The following NPL variants were observed in gnomAD, a reference collection of about 807,000 sequenced individuals.
The protein encoded by NPL is N-acetylneuraminate pyruvate lyase, also known as N-acetylneuraminate lyase.
NPL carries 32 observed loss-of-function variants against 41.1 expected under a neutral mutation model. The ratio of observed to expected loss-of-function variants is 0.78; its 90% confidence interval spans 0.59 to 1.05. The LOEUF (loss-of-function observed/expected upper bound fraction) is 1.05. Among genes scored for constraint, NPL ranks in the 50% least tolerant of loss-of-function variants. NPL has a pLI of 0.00. For synonymous variants in NPL, 128 were observed against 134.9 expected, an observed-to-expected ratio of 0.95 and a Z score of 0.35; for missense variants, 321 against 378.4, an observed-to-expected ratio of 0.85 and a Z score of 1.26.
rs1248979881 is a variant in NPL, at chr1:182,829,621, T to A, written c.*713T>A. 20 of 1,550,692 alleles carry A rather than the reference T, an allele frequency of 1.3e-5. No homozygotes were observed. The highest frequency in any genetic ancestry group is 7.3e-5 in the East Asian group (3 of 40,908). ...TATACAGAAAACTCAAAACTCAAAG[T>A]TTCAAAGAACCAAAGGACTCTTCCT... On this transcript the variant is annotated 3_prime_UTR_variant, in exon 13 of 13. Coordinates refer to ENST00000367553, the MANE Select transcript of NPL (RefSeq NM_030769.3).
intron 5 of NPL, chr1:182,809,278 C>T (rs1388705746): frequency 4.6e-6 from 2 of 436,652 alleles, no homozygotes; most frequent in Non-Finnish European, 9.2e-6. Flanking sequence ...GTGGCTCACA[C>T]CTGTAATCCC....
At chr1:182,815,415 T>G (rs972518667) in intron 7 of NPL, among the ~76,000 whole-genome samples, 2 of 152,126 alleles carry the variant, frequency 1.3e-5, no homozygotes, top group Non-Finnish European at 2.9e-5. Context: ...GAAGTATAAA[T>G]TTTAGAAGGA....
At chr1:182,823,420 C>T (rs1421543354) in intron 11 of NPL, among the ~76,000 whole-genome samples, 1 of 152,170 alleles carries the variant, frequency 6.6e-6, no homozygotes, top group African/African-American at 2.4e-5. Flanking sequence ...AAAGTTGAGC[C>T]ATCATAAATC....
In NPL at chr1:182,806,237, G is replaced by C. The variant is rs374010970; in HGVS notation, c.230+5G>C. ...GGTGACAAAAGGGAAGGACAAGTGA[G>C]TGGCTGCATGAGGATAAAAATGCCC... On this transcript the variant is annotated splice_donor_5th_base_variant and intron_variant, in intron 5 of 12. Transcript: ENST00000367553. 91 of 1,614,146 alleles carry C rather than the reference G, an allele frequency of 5.6e-5. No homozygotes were observed. The highest frequency in any genetic ancestry group is 7.5e-5 in the Non-Finnish European group (89 of 1,180,060).
intron 5 of NPL, 51 bp downstream of exon 5, chr1:182,806,283 G>A (rs769570263): frequency 2.2e-5 from 35 of 1,611,628 alleles, no homozygotes; most frequent in Non-Finnish European, 2.1e-5. Flanking sequence ...GCTGTATTCA[G>A]TGAGCCTCTT....
At chr1:182,808,433 A>C (rs1667084005) in intron 5 of NPL, among the ~76,000 whole-genome samples, 1 of 152,192 alleles carries the variant, frequency 6.6e-6, no homozygotes. Context: ...GCCAGACTGC[A>C]GTTGAGTTAT....
At chr1:182,825,653 A>C in intron 11 of NPL, 128 bp from the exon 12 acceptor site, 2 of 710,676 alleles carry the variant, frequency 2.8e-6, no homozygotes, top group East Asian at 5.1e-5. Flanking sequence ...ATTTTTCTCC[A>C]CTCTGACAGA....
chr1:182,803,252 T>C (rs1003096629), intron 3 of NPL, among the ~76,000 whole-genome samples: 2 of 152,200 alleles, frequency 1.3e-5, no homozygotes, highest in Non-Finnish European at 2.9e-5. Context: ...AGGCCAGGCA[T>C]GATGGCTCAT....
intron 5 of NPL, among the ~76,000 whole-genome samples, chr1:182,807,065 C>T (rs1557945318): frequency 2.0e-5 from 3 of 152,086 alleles, no homozygotes; most frequent in South Asian, 4.1e-4. Flanking sequence ...GTCTTGATCT[C>T]CTGATTTCGT....
chr1:182,796,810 G>C lies in NPL; in HGVS notation c.68+2371G>C, dbSNP rs533534650. On this transcript the variant is annotated intron_variant, in intron 3 of 12. Transcript: ENST00000367553. ...CTAGCACTTTGGGAGGCCGAGGTGG[G>C]CGGATCACAAGGTCAAGAGATCGAG... Among the ~76,000 whole-genome samples, 197 of 152,250 alleles carry C rather than the reference G, an allele frequency of 1.3e-3. 1 individual carries two copies. The highest frequency in any genetic ancestry group is 4.6e-3 in the African/African-American group (191 of 41,530).
rs765282301 is a variant in NPL at position 182,803,751 on chromosome 1, A to C, written c.122A>C (p.Gln41Pro). Residue 41 changes from glutamine (Q) to proline (P), a missense_variant, in exon 4 of 13, where the codon CAG becomes CCG. Transcript: ENST00000367553. Reference protein sequence around the residue: ...GQYVDYLVKEQGVKNIFVNGT... With the variant: ...GQYVDYLVKEPGVKNIFVNGT... The stretch of plus-strand genomic sequence containing the variant: ...TATGTGGATTATCTTGTGAAAGAAC[A>C]GGGAGTGAAGAACATTTTTGGTAAG... 7 of 1,612,490 alleles carry C rather than the reference A, an allele frequency of 4.3e-6. No homozygotes were observed. The South Asian group carries it at 6.6e-5, about 15-fold the overall frequency.
intron 4 of NPL, 56 bp downstream of exon 4, chr1:182,803,827 T>C (rs142683478): frequency 9.0e-6 from 11 of 1,224,116 alleles, no homozygotes; most frequent in Non-Finnish European, 1.3e-5. Context: ...TTAGAAGGTA[T>C]ATCTTACCTG....
intron 11 of NPL, among the ~76,000 whole-genome samples, chr1:182,822,652 TGA>T (rs1667521056): frequency 6.6e-6 from 1 of 152,124 alleles, no homozygotes; most frequent in Non-Finnish European, 1.5e-5. Flanking sequence ...GGAAATGTGC[TGA>T]GAACTAGGAA....
intron 5 of NPL, among the ~76,000 whole-genome samples, chr1:182,806,943 AT>A (rs1475981608): frequency 6.6e-6 from 1 of 152,012 alleles, no homozygotes; most frequent in Non-Finnish European, 1.5e-5. Context: ...GGTTCAAGCA[AT>A]TCCCCTGCCT....
chr1:182,804,911 TG>T (rs1666961039), intron 4 of NPL, among the ~76,000 whole-genome samples: 1 of 152,168 alleles, frequency 6.6e-6, no homozygotes, highest in Non-Finnish European at 1.5e-5. Flanking sequence ...AGATCTCCCC[TG>T]GGTATGAGGA....
At position 182,800,548 on chromosome 1, in the gene NPL, T is replaced by C. The variant is rs542364781; in HGVS notation, c.69-3150T>C. Among the ~76,000 whole-genome samples, 124 of 151,604 alleles carry C rather than the reference T, an allele frequency of 8.2e-4. 1 individual carries two copies. The highest frequency in any genetic ancestry group is 2.9e-3 in the African/African-American group (119 of 41,304). On this transcript the variant is annotated intron_variant, in intron 3 of 12. Coordinates refer to ENST00000367553, the MANE Select transcript of NPL (RefSeq NM_030769.3). ...CAAATGTGGTAGCAGCCCTGGATGA[T>C]TTCACCCCCACTTGTGCCTGGAGCT... is the stretch of plus-strand genomic sequence containing the variant.
chr1:182,813,840 C>G (rs1023406664), intron 6 of NPL, among the ~76,000 whole-genome samples: 3 of 152,206 alleles, frequency 2.0e-5, no homozygotes, highest in African/African-American at 7.2e-5. Flanking sequence ...TTAATCTACT[C>G]TTTTTCTAAA....
intron 7 of NPL, among the ~76,000 whole-genome samples, chr1:182,815,523 T>C (rs544017954): frequency 3.9e-5 from 6 of 152,246 alleles, no homozygotes; most frequent in East Asian, 1.9e-4. Context: ...TATTGATACA[T>C]AGAAAATAGT....
intron 11 of NPL, among the ~76,000 whole-genome samples, 184 bp downstream of exon 11, chr1:182,822,383 G>A (rs957830070): frequency 3.9e-5 from 6 of 151,912 alleles, no homozygotes; most frequent in Admixed American, 1.3e-4. Context: ...CTGTGTTCCC[G>A]ACATGTCTAA....
Sources: gnomAD v4.1 joint callset for allele counts (sites outside exome capture counted in the v4.1 genomes callset) on GRCh38, gnomAD v4.1.1 for gene constraint, MANE v1.5 for transcripts, NCBI Gene and HGNC (gene_info 2026-07-23, HGNC 2026-07-21) for gene names.